The following TOX variants were observed in gnomAD, a reference collection of about 807,000 sequenced individuals.
TOX encodes the protein thymocyte selection-associated high mobility group box protein TOX.
A neutral mutation model predicts 53.7 loss-of-function variants in TOX; 11 were observed. That is an observed-to-expected ratio of 0.20 (90% CI 0.13 to 0.34). TOX has a LOEUF of 0.34. Ranked by LOEUF, TOX falls within the 10% of genes least tolerant of loss-of-function variation. TOX has a pLI of 1.00. For missense variants in TOX, 570 were observed against 664.6 expected, an observed-to-expected ratio of 0.86 and a Z score of 1.56; for synonymous variants, 225 against 245.3, an observed-to-expected ratio of 0.92 and a Z score of 0.77.
At chr8:58,811,481 C>CACA (rs1810074348) in intron 7 of TOX, among the ~76,000 whole-genome samples, 1 of 152,184 alleles carries the variant, frequency 6.6e-6, no homozygotes, top group East Asian at 1.9e-4. Flanking sequence ...AAGCCTGCAG[C>CACA]ACAACCAAAC....
chr8:59,032,266 C>A (rs1389964736), intron 1 of TOX, among the ~76,000 whole-genome samples: 4 of 152,184 alleles, frequency 2.6e-5, no homozygotes, highest in African/African-American at 4.8e-5. Flanking sequence ...GTCTAGAGTT[C>A]TCTTACGGCC....
chr8:58,815,273 C>A, intron 7 of TOX, 65 bp downstream of exon 7: 1 of 1,514,274 alleles, frequency 6.6e-7, no homozygotes, highest in Admixed American at 2.1e-5. Flanking sequence ...AACAGCTCCC[C>A]CCACCTCCAC....
chr8:58,899,847 G>T (rs1811705317), intron 3 of TOX, among the ~76,000 whole-genome samples: 1 of 152,170 alleles, frequency 6.6e-6, no homozygotes, highest in Admixed American at 6.5e-5. Flanking sequence ...CTGAAGTGAG[G>T]ATCTGAGGCT....
At chr8:59,040,078 C>T (rs924916437) in intron 1 of TOX, among the ~76,000 whole-genome samples, 1 of 152,080 alleles carries the variant, frequency 6.6e-6, no homozygotes, top group Non-Finnish European at 1.5e-5. Context: ...GCCTGTAATC[C>T]CAGCACTTTG....
intron 1 of TOX, among the ~76,000 whole-genome samples, chr8:59,033,729 T>C (rs1814400481): frequency 6.6e-6 from 1 of 152,158 alleles, no homozygotes; most frequent in South Asian, 2.1e-4. Context: ...AATCTCTCCA[T>C]CACGTCAGGG....
At chr8:59,024,876 A>G (rs1465758329) in intron 1 of TOX, among the ~76,000 whole-genome samples, 1 of 152,222 alleles carries the variant, frequency 6.6e-6, no homozygotes, top group Non-Finnish European at 1.5e-5. Context: ...GTAAATGTCA[A>G]TTCCAAAGCC....
At chr8:58,863,731 A>AT (rs562983349) in intron 3 of TOX, among the ~76,000 whole-genome samples, 166 of 147,622 alleles carry the variant, frequency 1.1e-3, no homozygotes, top group Non-Finnish European at 1.3e-3. Context: ...AATTCAATTA[A>AT]TTTTTTTTTT....
chr8:58,985,404 A>C (rs114961776), intron 1 of TOX, among the ~76,000 whole-genome samples: 2 of 152,174 alleles, frequency 1.3e-5, no homozygotes, highest in Non-Finnish European at 2.9e-5. Flanking sequence ...AAAAAATAAA[A>C]GACAAATACT....
At position 59,021,108 on chromosome 8, in the gene TOX, CA is replaced by C. The variant is rs35493437; in HGVS notation, c.103-61101del. ...TGTGTGACAGAGCCAGACCCTGTCT[CA>C]AAAAAAAAAAAAAAAAAAGAGTTGT... On this transcript the variant is annotated intron_variant, in intron 1 of 8. Transcript: ENST00000361421. Among the ~76,000 whole-genome samples the C allele has an allele frequency of 1.5e-3, 134 of 92,010 alleles. 1 individual carries two copies. Among genetic ancestry groups the C allele is most frequent in the Middle Eastern group, 7.4e-3 (1 of 136 alleles). 60.4% of individuals were successfully genotyped at this position (92,010 alleles called of 152,430 possible).
chr8:58,903,174 C>T lies in TOX; in HGVS notation c.411+36128G>A, dbSNP rs147883530. 2.6e-3 allele frequency among the ~76,000 whole-genome samples: 402 copies of T among 152,310 alleles called. 2 individuals are homozygous for T. Among genetic ancestry groups the T allele is most frequent in the African/African-American group, 8.4e-3 (348 of 41,558 alleles). On this transcript the variant is annotated intron_variant, in intron 3 of 8. Transcript: ENST00000361421. ...AAGAACTGCAGAATTAACACAGACC[C>T]TGGAGAGAAGACATGATTTTGTAAG...
intron 2 of TOX, among the ~76,000 whole-genome samples, chr8:58,942,216 T>C (rs545156481): frequency 6.6e-6 from 1 of 152,172 alleles, no homozygotes; most frequent in African/African-American, 2.4e-5. Flanking sequence ...CTTTACACTC[T>C]AGGGTTTCTT....
At chr8:59,024,205 T>G (rs1307362895) in intron 1 of TOX, among the ~76,000 whole-genome samples, 1 of 152,142 alleles carries the variant, frequency 6.6e-6, no homozygotes, top group African/African-American at 2.4e-5. Context: ...AAGTATTCAG[T>G]ATGTGCTTGT....
At chr8:58,967,709 G>T (rs996509566) in intron 1 of TOX, among the ~76,000 whole-genome samples, 1 of 152,160 alleles carries the variant, frequency 6.6e-6, no homozygotes, top group Non-Finnish European at 1.5e-5. Context: ...CCAGCAACCA[G>T]CGATGAGTTG....
chr8:58,937,035 C>T (rs1284487611), intron 3 of TOX, among the ~76,000 whole-genome samples: 1 of 152,192 alleles, frequency 6.6e-6, no homozygotes. Context: ...AGTGCTGAAC[C>T]TTACCCACTG....
chr8:58,984,231 C>T (rs942351665), intron 1 of TOX, among the ~76,000 whole-genome samples: 1 of 151,990 alleles, frequency 6.6e-6, no homozygotes, highest in Non-Finnish European at 1.5e-5. Flanking sequence ...GGGCAACCCA[C>T]AGAATAGGAG....
intron 1 of TOX, among the ~76,000 whole-genome samples, chr8:59,024,809 A>G (rs559631622): frequency 6.6e-6 from 1 of 152,302 alleles, no homozygotes; most frequent in African/African-American, 2.4e-5. Context: ...TATCCCATAC[A>G]ATTTACAGTG....
At chr8:59,063,518 G>T (rs963376233) in intron 1 of TOX, among the ~76,000 whole-genome samples, 7 of 150,906 alleles carry the variant, frequency 4.6e-5, no homozygotes, top group African/African-American at 1.7e-4. Flanking sequence ...CCGCCTCCCG[G>T]GTTCAAGTGA....
At chr8:59,031,506 T>C (rs914038485) in intron 1 of TOX, among the ~76,000 whole-genome samples, 1 of 152,224 alleles carries the variant, frequency 6.6e-6, no homozygotes, top group African/African-American at 2.4e-5. Context: ...AGATGGGGCA[T>C]GTATATCCCT....
chr8:59,092,667 C>T (rs1804646094), intron 1 of TOX, among the ~76,000 whole-genome samples: 1 of 152,078 alleles, frequency 6.6e-6, no homozygotes, highest in Admixed American at 6.6e-5. Flanking sequence ...GGAAACACTT[C>T]CCACCTTTGT....
Sources: gnomAD v4.1 joint callset for allele counts (sites outside exome capture counted in the v4.1 genomes callset) on GRCh38, gnomAD v4.1.1 for gene constraint, MANE v1.5 for transcripts, NCBI Gene and HGNC (gene_info 2026-07-23, HGNC 2026-07-21) for gene names.